The following NPFFR1 variants were observed in gnomAD, a reference collection of about 807,000 sequenced individuals.
The protein encoded by NPFFR1 is neuropeptide FF receptor 1.
Under a neutral mutation model 12.7 loss-of-function variants are expected in NPFFR1, and 17 were observed. The ratio of observed to expected loss-of-function variants is 1.34; its 90% confidence interval spans 0.92 to 2.01. The LOEUF (loss-of-function observed/expected upper bound fraction) is 2.01. Ranked by LOEUF, NPFFR1 falls within the 30% of genes most tolerant of loss-of-function variation. The pLI, the probability that NPFFR1 is intolerant of heterozygous loss-of-function variation, is 0.00. For missense variants in NPFFR1, 604 were observed against 606.5 expected (o/e 1.00, Z 0.04); for synonymous variants, 296 against 264.5 (o/e 1.12, Z -1.16).
chr10:70,278,603 C>T (rs908938817), intron 1 of NPFFR1, among the ~76,000 whole-genome samples: 4 of 152,180 alleles, frequency 2.6e-5, no homozygotes, highest in African/African-American at 9.7e-5. Context: ...CCCTAGGCTG[C>T]TATCAAACCT....
intron 1 of NPFFR1, among the ~76,000 whole-genome samples, chr10:70,267,649 G>A (rs10999226): frequency 0.05 from 7,644 of 152,296 alleles, 374 homozygotes; most frequent in East Asian, 0.18. Context: ...GAAGTCATTA[G>A]TTGGGGTGAC....
rs546583507 is a variant in NPFFR1, at chr10:70,253,063, C to T, written c.*1894G>A. 7 of 152,104 alleles carry T rather than the reference C, an allele frequency of 4.6e-5. No homozygotes were observed. Among genetic ancestry groups the T allele is most frequent in the Non-Finnish European group, 1.0e-4 (7 of 68,040 alleles). 9.4% of individuals were successfully genotyped at this position (152,104 alleles called of 1,614,324 possible). On this transcript the variant is annotated 3_prime_UTR_variant, in exon 4 of 4. Transcript: ENST00000277942. Reference sequence around the variant, plus strand: ...TGGGAACTCTCTGGCCCATATGACACATGACACTGATACAGTACCAGAAAT... The same window carrying T: ...TGGGAACTCTCTGGCCCATATGACATATGACACTGATACAGTACCAGAAAT...
Position 70,255,110 on chromosome 10 carries a change from G to A in NPFFR1, c.1140C>T (p.Asp380=), listed in dbSNP as rs1278393351. The A allele has an allele frequency of 1.3e-6, 2 of 1,492,062 alleles. No individual in the cohort carries two copies. Among genetic ancestry groups the A allele is most frequent in the African/African-American group, 2.8e-5 (2 of 70,834 alleles). The allele number at this position is 1,492,062 out of a possible 1,614,324, so 92.4% of individuals were successfully genotyped here. A position where few individuals can be genotyped will look rare whatever the true frequency, so the allele number is the denominator to read the frequency against. ...GGCCCGACTCAGAGGGCAGCCCGGA[G>A]TCGCTGGGCCGCACCACCACGAAGA... ...RRVFVVVRPS[D]SGLPSESGPS... Residue 380 remains aspartate (D), a synonymous_variant, in exon 4 of 4, where the codon GAC becomes GAT. Coordinates refer to ENST00000277942, the MANE Select transcript of NPFFR1 (RefSeq NM_022146.5). The surrounding 1 kb of genome is among the most constrained non-coding windows in gnomAD (Gnocchi z 4.2).
At position 70,280,452 on chromosome 10, in the gene NPFFR1, G is replaced by A. The variant is rs1410644509; in HGVS notation, c.7+3218C>T. 4.6e-5 allele frequency among the ~76,000 whole-genome samples: 7 copies of A among 152,142 alleles called. No individual in the cohort carries two copies. In the East Asian group the frequency reaches 1.2e-3, roughly 25 times the overall value. ...CAGGTATGAGATGATGTCTCATTGC[G>A]GTTTTAACTTGCATTTTCCTAATCA... is the stretch of plus-strand genomic sequence containing the variant. On this transcript the variant is annotated intron_variant, in intron 1 of 3. Coordinates refer to ENST00000277942, the MANE Select transcript of NPFFR1 (RefSeq NM_022146.5).
chr10:70,269,597 T>C (rs1840728945), intron 1 of NPFFR1, among the ~76,000 whole-genome samples: 1 of 151,768 alleles, frequency 6.6e-6, no homozygotes, highest in Non-Finnish European at 1.5e-5. Context: ...CTGCAACCTC[T>C]GCCTCCTGGG....
chr10:70,259,639 G>C (rs1455740920), intron 3 of NPFFR1, among the ~76,000 whole-genome samples: 1 of 152,222 alleles, frequency 6.6e-6, no homozygotes, highest in East Asian at 1.9e-4. Flanking sequence ...GCTTGAGGTG[G>C]AGAGAGGATG....
rs1195983267 is a variant in NPFFR1, at chr10:70,253,018, A to G, written c.*1939T>C. On this transcript the variant is annotated 3_prime_UTR_variant, in exon 4 of 4. Coordinates refer to ENST00000277942, the MANE Select transcript of NPFFR1 (RefSeq NM_022146.5). ...GAGCCTGGAGTCAGACTTCTTCACA[A>G]CAAATAGCCCAGAACCAGCTGGGAA... 1 of 152,156 alleles carries G rather than the reference A, an allele frequency of 6.6e-6. No individual in the cohort carries two copies. The highest frequency in any genetic ancestry group is 1.5e-5 in the Non-Finnish European group (1 of 68,062). The allele number at this position is 152,156 out of a possible 1,614,324, so 9.4% of individuals were successfully genotyped here.
intron 1 of NPFFR1, among the ~76,000 whole-genome samples, chr10:70,266,719 CCCT>C: frequency 6.6e-6 from 1 of 152,364 alleles, no homozygotes; most frequent in Middle Eastern, 3.4e-3. Flanking sequence ...TTCTGCATTG[CCCT>C]GGTTCCCTTG....
At chr10:70,266,042 AG>A in intron 2 of NPFFR1, 34 bp downstream of exon 2, 1 of 1,577,416 alleles carries the variant, frequency 6.3e-7, no homozygotes, top group Middle Eastern at 1.9e-4. Context: ...AGTGGGGGGT[AG>A]GGGACACTCC....
At chr10:70,260,584 C>T (rs984317076) in intron 3 of NPFFR1, 56 bp downstream of exon 3, 5 of 1,461,476 alleles carry the variant, frequency 3.4e-6, no homozygotes, top group Admixed American at 3.9e-5. Context: ...GCAGTGGCTC[C>T]TCTTAATGCC....
At chr10:70,283,132 T>TTTTTG (rs1554833974) in intron 1 of NPFFR1, among the ~76,000 whole-genome samples, 133 of 149,658 alleles carry the variant, frequency 8.9e-4, no homozygotes, top group South Asian at 1.9e-3. Context: ...CTCTCTCTTT[T>TTTTTG]TGTGTGTGTG....
chr10:70,276,695 C>T (rs1232832456), intron 1 of NPFFR1, among the ~76,000 whole-genome samples: 1 of 149,890 alleles, frequency 6.7e-6, no homozygotes, highest in African/African-American at 2.5e-5. Flanking sequence ...TCAAGCAATG[C>T]TCCTTCCTCA....
chr10:70,267,961 C>T (rs1229826955), intron 1 of NPFFR1, among the ~76,000 whole-genome samples: 1 of 152,174 alleles, frequency 6.6e-6, no homozygotes, highest in East Asian at 1.9e-4. Context: ...AGGTTTAGGC[C>T]TTCCAAGGAC....
At chr10:70,271,736 C>G (rs1357037355) in intron 1 of NPFFR1, among the ~76,000 whole-genome samples, 1 of 152,024 alleles carries the variant, frequency 6.6e-6, no homozygotes, top group Non-Finnish European at 1.5e-5. Flanking sequence ...CTGTGTGAGG[C>G]AGCAGCAGCG....
In NPFFR1 at chr10:70,265,358, G is replaced by C. The variant is rs1840679060; in HGVS notation, c.322+719C>G. ...TGGAGTCTCAGGTTGGTGGAAACTT[G>C]ATTCTAAAACAAGAAAGGCCAGTCG... On this transcript the variant is annotated intron_variant, in intron 2 of 3. Coordinates refer to ENST00000277942, the MANE Select transcript of NPFFR1 (RefSeq NM_022146.5). Among the ~76,000 whole-genome samples, 3 of 152,208 alleles carry C rather than the reference G, an allele frequency of 2.0e-5. No homozygotes were observed. The South Asian group carries it at 6.2e-4, about 32-fold the overall frequency.
Position 70,255,770 on chromosome 10 carries a change from G to A in NPFFR1, c.480C>T (p.Val160=), listed in dbSNP as rs780505599. Residue 160 remains valine (V), a synonymous_variant, in exon 4 of 4, where the codon GTC becomes GTT. Transcript: ENST00000277942. This position sits in a 1 kb window ranked among gnomAD's most constrained non-coding sequence, Gnocchi z 4.2. ...REKLTLRKAL[V]TIAVIWALAL... Reference sequence around the variant, plus strand: ...CCAGGGCCCAGATGACGGCGATGGTGACGAGCGCCTTCCGCAGGGTCAGCT... The same window carrying A: ...CCAGGGCCCAGATGACGGCGATGGTAACGAGCGCCTTCCGCAGGGTCAGCT... 5 of 1,611,610 alleles carry A rather than the reference G, an allele frequency of 3.1e-6. 1 individual carries two copies. The African/African-American group carries it at 6.7e-5, about 22-fold the overall frequency.
intron 1 of NPFFR1, chr10:70,277,848 G>A (rs199978286): frequency 3.2e-5 from 15 of 471,388 alleles, no homozygotes; most frequent in South Asian, 9.1e-5. Flanking sequence ...GCCCAGAGGG[G>A]AAGGCAAATG....
At chr10:70,279,942 T>C (rs1214688592) in intron 1 of NPFFR1, among the ~76,000 whole-genome samples, 5 of 152,250 alleles carry the variant, frequency 3.3e-5, no homozygotes, top group South Asian at 2.1e-4. Context: ...ATGAGTTCTA[T>C]AGTTTTAGAT....
Position 70,260,698 on chromosome 10 carries a change from C to T in NPFFR1, c.364G>A (p.Val122Met). 1 of 1,610,216 alleles carries T rather than the reference C, an allele frequency of 6.2e-7. No individual in the cohort carries two copies. Among genetic ancestry groups the T allele is most frequent in the East Asian group, 2.2e-5 (1 of 44,744 alleles). ...DNATCKMSGL[V>M]QGMSVSASVF... ...GAAGCCGACACAGACATGCCCTGCA[C>T]CAAGCCGCTCATCTTGCATGTGGCA... Residue 122 changes from valine to methionine, a missense_variant, in exon 3 of 4, where the codon GTG (valine) becomes ATG (methionine). Physicochemically the swap from Val to Met is conservative, Grantham distance 21. Transcript: ENST00000277942.
Sources: allele counts gnomAD v4.1 joint callset (sites outside exome capture counted in the v4.1 genomes callset), GRCh38; gene constraint gnomAD v4.1.1; non-coding constraint Gnocchi (gnomAD v3.1); transcripts MANE v1.5; gene names NCBI Gene and HGNC (gene_info 2026-07-23, HGNC 2026-07-21).